Variants in PDE4B observed in about 807,000 individuals in gnomAD.
PDE4B encodes phosphodiesterase 4B.
In PDE4B, 20 loss-of-function variants were observed where a neutral mutation model predicts 82.2. The observed-to-expected ratio is 0.24, with a 90% CI of 0.17 to 0.35. PDE4B has a LOEUF of 0.35. Ranked by LOEUF, PDE4B falls within the 10% of genes least tolerant of loss-of-function variation. The probability of loss-of-function intolerance (pLI) is 1.00; values close to 1 mark genes in which losing one functional copy is unlikely to be tolerated. For synonymous variants in PDE4B, 320 were observed against 318.9 expected, an observed-to-expected ratio of 1.00 and a Z score of -0.04; for missense variants, 655 against 907.2, an observed-to-expected ratio of 0.72 and a Z score of 3.57.
At chr1:66,318,938 C>G (rs769835615) in intron 7 of PDE4B, among the ~76,000 whole-genome samples, 2 of 152,124 alleles carry the variant, frequency 1.3e-5, no homozygotes, top group Non-Finnish European at 2.9e-5. Flanking sequence ...GATTCTAAAG[C>G]AAGTCATGTC....
At chr1:66,099,077 C>T (rs1219551712) in intron 3 of PDE4B, among the ~76,000 whole-genome samples, 1 of 152,094 alleles carries the variant, frequency 6.6e-6, no homozygotes, top group Non-Finnish European at 1.5e-5. Flanking sequence ...AGGTTTGTTA[C>T]ATAGGTAAAC....
intron 3 of PDE4B, among the ~76,000 whole-genome samples, chr1:65,955,517 A>G (rs569107081): frequency 6.6e-6 from 1 of 152,290 alleles, no homozygotes; most frequent in East Asian, 1.9e-4. Context: ...GTGCACACTG[A>G]CACTCACACA....
At chr1:66,264,245 A>G (rs1048669072) in intron 6 of PDE4B, among the ~76,000 whole-genome samples, 3 of 152,222 alleles carry the variant, frequency 2.0e-5, no homozygotes, top group Non-Finnish European at 2.9e-5. Context: ...GGGGCTAGAG[A>G]GCAAAGACTT....
At chr1:65,864,908 A>G (rs999763476) in intron 1 of PDE4B, among the ~76,000 whole-genome samples, 39 of 152,124 alleles carry the variant, frequency 2.6e-4, no homozygotes, top group African/African-American at 4.8e-5. Context: ...GGGAGAATCC[A>G]CCTCATCAGT....
At chr1:66,183,186 C>T (rs1002956223) in intron 3 of PDE4B, among the ~76,000 whole-genome samples, 2 of 152,036 alleles carry the variant, frequency 1.3e-5, no homozygotes, top group Admixed American at 6.6e-5. Flanking sequence ...TGAGGGGCCC[C>T]CATAGACAAT....
intron 6 of PDE4B, 23 bp from the exon 7 acceptor site, chr1:66,266,015 C>T (rs969052764): frequency 1.9e-6 from 3 of 1,602,284 alleles, no homozygotes; most frequent in Admixed American, 1.7e-5. Context: ...CAGACTCAGT[C>T]CTTCTTTTCT....
intron 6 of PDE4B, among the ~76,000 whole-genome samples, chr1:66,259,177 CA>C (rs1654490025): frequency 6.6e-6 from 1 of 152,076 alleles, no homozygotes. Context: ...TTTATCCATC[CA>C]ACTAGTATTT....
intron 3 of PDE4B, among the ~76,000 whole-genome samples, chr1:66,010,085 C>G (rs954540435): frequency 1.3e-5 from 2 of 151,932 alleles, no homozygotes; most frequent in Non-Finnish European, 2.9e-5. Context: ...CATGGTAGCA[C>G]ATGGTAGGTA....
intron 8 of PDE4B, among the ~76,000 whole-genome samples, chr1:66,334,006 G>T (rs1351424449): frequency 8.5e-5 from 13 of 152,304 alleles, no homozygotes; most frequent in Non-Finnish European, 5.9e-5. Flanking sequence ...GCTTCCCCAT[G>T]AGGAGGGCTT....
chr1:66,188,793 G>T (rs1425548116), intron 3 of PDE4B, among the ~76,000 whole-genome samples: 4 of 151,938 alleles, frequency 2.6e-5, no homozygotes, highest in African/African-American at 9.7e-5. Flanking sequence ...TATCCAATTT[G>T]CCAGTCTGTG....
intron 3 of PDE4B, among the ~76,000 whole-genome samples, chr1:66,242,439 C>T (rs1021243261): frequency 6.6e-6 from 1 of 152,178 alleles, no homozygotes; most frequent in Non-Finnish European, 1.5e-5. Flanking sequence ...GTGGAGTTTG[C>T]AGTCTTTCTA....
At chr1:66,204,319 G>C (rs924525731) in intron 3 of PDE4B, among the ~76,000 whole-genome samples, 1 of 152,246 alleles carries the variant, frequency 6.6e-6, no homozygotes. Flanking sequence ...GCAGCAGTCT[G>C]CCTGTTGTCA....
chr1:66,077,842 A>G (rs1213236383), intron 3 of PDE4B, among the ~76,000 whole-genome samples: 2 of 152,126 alleles, frequency 1.3e-5, no homozygotes, highest in Non-Finnish European at 2.9e-5. Context: ...TATGTACTTT[A>G]TTTTTTATAT....
At chr1:65,826,523 A>C (rs1464802009) in intron 1 of PDE4B, among the ~76,000 whole-genome samples, 1 of 152,100 alleles carries the variant, frequency 6.6e-6, no homozygotes, top group Non-Finnish European at 1.5e-5. Flanking sequence ...ATCCTAAGAA[A>C]ACTGCCCTTG....
chr1:66,275,555 T>C (rs1458273095), intron 7 of PDE4B, among the ~76,000 whole-genome samples: 1 of 152,166 alleles, frequency 6.6e-6, no homozygotes, highest in African/African-American at 2.4e-5. Context: ...GGAGTTAGCC[T>C]AGAGAAGAAT....
At chr1:66,229,197 G>A (rs1651727563) in intron 3 of PDE4B, among the ~76,000 whole-genome samples, 1 of 150,508 alleles carries the variant, frequency 6.6e-6, no homozygotes. Context: ...TTTTAGCAGA[G>A]ATGGGGTTTC....
intron 10 of PDE4B, 136 bp downstream of exon 10, chr1:66,361,929 G>T: frequency 1.5e-6 from 1 of 657,424 alleles, no homozygotes; most frequent in South Asian, 2.9e-5. Context: ...CATATGAAAT[G>T]ACTTTACTGT....
At chr1:66,026,091 C>T (rs1653417762) in intron 3 of PDE4B, among the ~76,000 whole-genome samples, 1 of 152,092 alleles carries the variant, frequency 6.6e-6, no homozygotes, top group South Asian at 2.1e-4. Flanking sequence ...AACATTTGGG[C>T]AATATTGCTT....
At chr1:66,308,693 A>G (rs1371707024) in intron 7 of PDE4B, among the ~76,000 whole-genome samples, 1 of 152,184 alleles carries the variant, frequency 6.6e-6, no homozygotes, top group African/African-American at 2.4e-5. Flanking sequence ...TTGTTCCAGT[A>G]GATTTAACCA....
Sources: gnomAD v4.1 joint callset for allele counts (sites outside exome capture counted in the v4.1 genomes callset) on GRCh38, gnomAD v4.1.1 for gene constraint, MANE v1.5 for transcripts, NCBI Gene and HGNC (gene_info 2026-07-23, HGNC 2026-07-21) for gene names.